Variants in AIG1 observed in about 807,000 individuals in gnomAD.
The protein encoded by AIG1 is androgen-induced gene 1 protein.
Under a neutral mutation model 31.4 loss-of-function variants are expected in AIG1, and 23 were observed. That is an observed-to-expected ratio of 0.73 (90% CI 0.53 to 1.04). The LOEUF (loss-of-function observed/expected upper bound fraction) is 1.04, where lower values mean the gene tolerates loss of function less well. AIG1 is among the 50% of genes least tolerant of loss of function. The probability of loss-of-function intolerance (pLI) is 0.00; values close to 1 mark genes in which losing one functional copy is unlikely to be tolerated. For synonymous variants in AIG1, 100 were observed against 110.5 expected (o/e 0.90, Z 0.60); for missense variants, 274 against 295.0 (o/e 0.93, Z 0.52).
At chr6:143,301,907 C>T (rs1218810529) in intron 4 of AIG1, among the ~76,000 whole-genome samples, 2 of 152,174 alleles carry the variant, frequency 1.3e-5, no homozygotes, top group Admixed American at 6.5e-5. Flanking sequence ...GGTGTGACAA[C>T]AAGGCAAGGC....
chr6:143,249,464 C>T (rs1163204431), intron 3 of AIG1, among the ~76,000 whole-genome samples: 1 of 152,274 alleles, frequency 6.6e-6, no homozygotes, highest in South Asian at 2.1e-4. Flanking sequence ...AGCCAGGCCT[C>T]GTGGAGGGGT....
At chr6:143,235,939 G>A (rs1054890816) in intron 3 of AIG1, among the ~76,000 whole-genome samples, 5 of 152,148 alleles carry the variant, frequency 3.3e-5, no homozygotes, top group Non-Finnish European at 5.9e-5. Context: ...CCTCTCCAAT[G>A]AGGGTCTCCC....
intron 3 of AIG1, among the ~76,000 whole-genome samples, chr6:143,223,410 T>C (rs1000316159): frequency 6.6e-6 from 1 of 152,220 alleles, no homozygotes; most frequent in African/African-American, 2.4e-5. Context: ...CAGGTGTTTA[T>C]TACCTTGCAA....
intron 1 of AIG1, among the ~76,000 whole-genome samples, chr6:143,076,259 A>G (rs1777718860): frequency 6.6e-6 from 1 of 152,220 alleles, no homozygotes; most frequent in African/African-American, 2.4e-5. Context: ...TTAAAAGTAC[A>G]TACACATTTG....
intron 3 of AIG1, among the ~76,000 whole-genome samples, chr6:143,204,766 G>C (rs1790976906): frequency 6.6e-6 from 1 of 151,804 alleles, no homozygotes; most frequent in South Asian, 2.1e-4. Context: ...TCTTTAGAAT[G>C]GGGGAGGGAC....
chr6:143,308,734 C>G (rs1205326207), intron 4 of AIG1, among the ~76,000 whole-genome samples: 1 of 152,180 alleles, frequency 6.6e-6, no homozygotes, highest in Non-Finnish European at 1.5e-5. Context: ...AGCTCTAACT[C>G]TTAATTTAAT....
chr6:143,089,884 G>T (rs1473352806), intron 1 of AIG1, among the ~76,000 whole-genome samples: 1 of 152,144 alleles, frequency 6.6e-6, no homozygotes, highest in Non-Finnish European at 1.5e-5. Context: ...CCCACCTCCA[G>T]CACTGGGAAT....
At position 143,194,392 on chromosome 6, in the gene AIG1, C is replaced by G. The variant is rs192574668; in HGVS notation, c.399+29209C>G. On this transcript the variant is annotated intron_variant, in intron 3 of 5. Coordinates refer to ENST00000357847, the MANE Select transcript of AIG1 (RefSeq NM_016108.4). ...ATCACCACCCACGAGTTCCCTCCCT[C>G]GACACGTAGGGGTTATGGGGATTAC... Among the ~76,000 whole-genome samples the G allele has an allele frequency of 3.8e-4, 58 of 152,290 alleles. No individual in the cohort carries two copies. The East Asian group carries it at 8.9e-3, about 23-fold the overall frequency.
intron 3 of AIG1, chr6:143,189,138 G>T (rs989858393): frequency 2.0e-5 from 12 of 590,760 alleles, no homozygotes; most frequent in Non-Finnish European, 2.6e-5. Context: ...TAAACTGCAG[G>T]GCTCAAGCAA....
intron 3 of AIG1, among the ~76,000 whole-genome samples, chr6:143,207,486 A>C (rs2128612001): frequency 6.6e-6 from 1 of 151,388 alleles, no homozygotes; most frequent in Non-Finnish European, 1.5e-5. Flanking sequence ...CATGCAGCAA[A>C]CTTTCAATTT....
chr6:143,336,769 G>T (rs763427281), intron 5 of AIG1, among the ~76,000 whole-genome samples: 2 of 152,148 alleles, frequency 1.3e-5, no homozygotes, highest in South Asian at 2.1e-4. Context: ...TTGGGTATGC[G>T]TGACACTCAG....
intron 3 of AIG1, among the ~76,000 whole-genome samples, chr6:143,277,895 A>T (rs879394812): frequency 1.5e-4 from 23 of 152,210 alleles, no homozygotes; most frequent in Middle Eastern, 3.2e-3. Flanking sequence ...GTACACTCTG[A>T]TTATAACTCT....
chr6:143,248,745 C>T (rs1794784701), intron 3 of AIG1, among the ~76,000 whole-genome samples: 1 of 152,208 alleles, frequency 6.6e-6, no homozygotes, highest in Non-Finnish European at 1.5e-5. Flanking sequence ...CCTATCCAAC[C>T]TCATCAGTTA....
At position 143,280,542 on chromosome 6, in the gene AIG1, T is replaced by TA. The variant is rs577990226; in HGVS notation, c.400-3562dup. Among the ~76,000 whole-genome samples, 208 of 152,282 alleles carry TA rather than the reference T, an allele frequency of 1.4e-3. No individual in the cohort carries two copies. Among genetic ancestry groups the TA allele is most frequent in the African/African-American group, 4.7e-3 (197 of 41,568 alleles). ...TACACCACAGAATACTATGCAGCCGTAAAAAAGAGTGAGATCACGTCTTTT... is the reference window on the plus strand; with the variant it reads ...TACACCACAGAATACTATGCAGCCGTAAAAAAAGAGTGAGATCACGTCTTTT... On this transcript the variant is annotated intron_variant, in intron 3 of 5. Transcript: ENST00000357847. The surrounding 1 kb of genome is among the most constrained non-coding windows in gnomAD (Gnocchi z 4.1).
At chr6:143,089,344 A>G (rs1779095795) in intron 1 of AIG1, among the ~76,000 whole-genome samples, 1 of 152,210 alleles carries the variant, frequency 6.6e-6, no homozygotes, top group African/African-American at 2.4e-5. Flanking sequence ...AGGGATAAGC[A>G]CTTGGGCTTG....
upstream of AIG1, chr6:143,060,401 C>T (rs904788385): frequency 1.5e-5 from 3 of 195,112 alleles, no homozygotes; most frequent in Non-Finnish European, 3.4e-5. Flanking sequence ...TGCAACTACC[C>T]CAGGAAGCGT....
At chr6:143,278,822 C>A (rs1305869356) in intron 3 of AIG1, among the ~76,000 whole-genome samples, 1 of 152,144 alleles carries the variant, frequency 6.6e-6, no homozygotes, top group African/African-American at 2.4e-5. Context: ...CCTTATTTAA[C>A]ACAGATAGGG....
At chr6:143,303,539 T>C (rs1243320873) in intron 4 of AIG1, among the ~76,000 whole-genome samples, 1 of 151,584 alleles carries the variant, frequency 6.6e-6, no homozygotes, top group East Asian at 1.9e-4. Context: ...TAGTTGTAGA[T>C]ATGTGGCATT....
intron 3 of AIG1, among the ~76,000 whole-genome samples, chr6:143,254,843 G>A (rs12055848): frequency 0.015 from 2,243 of 152,110 alleles, 57 homozygotes; most frequent in East Asian, 0.065. Flanking sequence ...GCAAAACCCC[G>A]TCTCTACAAA....
Sources: allele counts gnomAD v4.1 joint callset (sites outside exome capture counted in the v4.1 genomes callset), GRCh38; gene constraint gnomAD v4.1.1; non-coding constraint Gnocchi (gnomAD v3.1); transcripts MANE v1.5; gene names NCBI Gene and HGNC (gene_info 2026-07-23, HGNC 2026-07-21).